ATF7IP: variants seen among roughly 807,000 people sequenced by gnomAD.
The protein encoded by ATF7IP is activating transcription factor 7-interacting protein 1.
In ATF7IP, 23 loss-of-function variants were observed where a neutral mutation model predicts 106.4. The ratio of observed to expected loss-of-function variants is 0.22; its 90% CI spans 0.16 to 0.31. The LOEUF (loss-of-function observed/expected upper bound fraction) is 0.31. ATF7IP is among the 10% of genes least tolerant of loss of function. The pLI is 1.00. For synonymous variants in ATF7IP, 542 were observed against 539.0 expected, an observed-to-expected ratio of 1.01 and a Z score of -0.08; for missense variants, 1,334 against 1,524.3, an observed-to-expected ratio of 0.88 and a Z score of 2.08.
intron 1 of ATF7IP, among the ~76,000 whole-genome samples, chr12:14,371,047 G>A (rs1166375329): frequency 2.0e-5 from 3 of 151,574 alleles, no homozygotes; most frequent in Non-Finnish European, 2.9e-5. Context: ...TGATAAGGAT[G>A]TTTCCCTAAT....
Position 14,457,309 on chromosome 12 carries a change from T to TA in ATF7IP, c.2158+17dup. 1 of 1,544,926 alleles carries TA rather than the reference T, an allele frequency of 6.5e-7. No homozygotes were observed. The highest frequency in any genetic ancestry group is 1.4e-5 in the African/African-American group (1 of 72,432). ...CTGTGAATACAGGTAACTTTTTTTTTAAATACCAAAATACATTTTCTTAGG... is the reference window on the plus strand; with the variant it reads ...CTGTGAATACAGGTAACTTTTTTTTTAAAATACCAAAATACATTTTCTTAGG... On this transcript the variant is annotated intron_variant, in intron 8 of 14. Coordinates refer to ENST00000261168, the MANE Select transcript of ATF7IP (RefSeq NM_018179.5).
At chr12:14,381,192 A>G (rs112778926) in intron 1 of ATF7IP, among the ~76,000 whole-genome samples, 19 of 152,264 alleles carry the variant, frequency 1.2e-4, no homozygotes, top group African/African-American at 4.3e-4. Context: ...AGCTTGGAAT[A>G]TTGTATGTTA....
intron 6 of ATF7IP, among the ~76,000 whole-genome samples, chr12:14,449,283 T>C (rs927171687): frequency 2.0e-5 from 3 of 152,178 alleles, no homozygotes; most frequent in Admixed American, 2.0e-4. Context: ...TTAGGTCTTA[T>C]ATTTAAATCT....
At chr12:14,457,700 T>C (rs1000069095) in intron 8 of ATF7IP, among the ~76,000 whole-genome samples, 1 of 152,220 alleles carries the variant, frequency 6.6e-6, no homozygotes, top group Non-Finnish European at 1.5e-5. Flanking sequence ...ACCCCAGAAC[T>C]TTTGTTTATG....
At chr12:14,410,332 G>GTCC (rs1185254400) in intron 1 of ATF7IP, among the ~76,000 whole-genome samples, 1 of 152,110 alleles carries the variant, frequency 6.6e-6, no homozygotes, top group East Asian at 1.9e-4. Context: ...ATTCTCTTCT[G>GTCC]TCCTACGTAG....
intron 1 of ATF7IP, among the ~76,000 whole-genome samples, chr12:14,406,435 A>T (rs1940584250): frequency 1.3e-5 from 2 of 152,012 alleles, no homozygotes; most frequent in African/African-American, 4.8e-5. Flanking sequence ...TATGTTTGTG[A>T]TATACTCTTT....
chr12:14,412,551 A>G (rs945405566), intron 1 of ATF7IP, among the ~76,000 whole-genome samples: 8 of 152,106 alleles, frequency 5.3e-5, no homozygotes, highest in African/African-American at 2.4e-5. Context: ...TTTTTGGATC[A>G]TTTGTTTCAA....
At chr12:14,381,646 TA>T (rs1360868554) in intron 1 of ATF7IP, among the ~76,000 whole-genome samples, 2 of 152,206 alleles carry the variant, frequency 1.3e-5, no homozygotes, top group Non-Finnish European at 2.9e-5. Flanking sequence ...TTCATCATCT[TA>T]ATACCATTCT....
intron 13 of ATF7IP, among the ~76,000 whole-genome samples, chr12:14,494,394 A>G (rs1944941702): frequency 7.2e-6 from 1 of 139,846 alleles, no homozygotes; most frequent in Non-Finnish European, 1.5e-5. Context: ...CATATAATAT[A>G]TACTATATAT....
chr12:14,436,046 T>C lies in ATF7IP; in HGVS notation c.1646-60T>C. The C allele has an allele frequency of 2.0e-6, 3 of 1,523,274 alleles. 1 individual carries two copies. The highest frequency in any genetic ancestry group is 2.3e-5 in the East Asian group (1 of 43,838). The allele number at this position is 1,523,274 out of a possible 1,614,324, so 94.4% of individuals were successfully genotyped here. On this transcript the variant is annotated intron_variant, in intron 3 of 14. Coordinates refer to ENST00000261168, the MANE Select transcript of ATF7IP (RefSeq NM_018179.5). The stretch of plus-strand genomic sequence containing the variant: ...ATAATATTTTGCTAAGGATGGATAA[T>C]ATGCATTAAGAGCTATAAGAAAAAC...
chr12:14,385,341 T>C, intron 1 of ATF7IP: 1 of 1,525,432 alleles, frequency 6.6e-7, no homozygotes, highest in Non-Finnish European at 8.8e-7. Context: ...CTAGTCTTTG[T>C]AGCTGCTTAG....
chr12:14,494,243 A>AAAATCTG (rs1406897851), intron 13 of ATF7IP, among the ~76,000 whole-genome samples: 1 of 140,372 alleles, frequency 7.1e-6, no homozygotes, highest in African/African-American at 2.6e-5. Context: ...TCCTGGTACC[A>AAAATCTG]AAATCTGAAT....
intron 1 of ATF7IP, among the ~76,000 whole-genome samples, chr12:14,366,882 G>GT (rs774478412): frequency 7.2e-5 from 11 of 152,128 alleles, no homozygotes; most frequent in Admixed American, 1.3e-4. Context: ...ATGCATGTGT[G>GT]TAAGATACAG....
At position 14,418,022 on chromosome 12, in the gene ATF7IP, T is replaced by G. The variant is rs114168258; in HGVS notation, c.-7-5887T>G. ...TTGTTTCATTGCTATGATCTCTTGC[T>G]AGAAAGAAGTGGGTGGAGGGGGATG... On this transcript the variant is annotated intron_variant, in intron 1 of 14. Transcript: ENST00000261168. Among the ~76,000 whole-genome samples the G allele has an allele frequency of 7.5e-3, 1,142 of 152,194 alleles. 14 individuals are homozygous for G. The highest frequency in any genetic ancestry group is 0.026 in the African/African-American group (1,076 of 41,490).
chr12:14,366,519 C>T (rs1938301229), intron 1 of ATF7IP, among the ~76,000 whole-genome samples: 1 of 152,120 alleles, frequency 6.6e-6, no homozygotes, highest in East Asian at 1.9e-4. Flanking sequence ...ACAGTATAAT[C>T]GAAAATGAAA....
intron 11 of ATF7IP, among the ~76,000 whole-genome samples, chr12:14,477,091 A>G (rs951296469): frequency 5.9e-5 from 9 of 152,236 alleles, no homozygotes; most frequent in Non-Finnish European, 1.3e-4. Flanking sequence ...CTACATATCT[A>G]TAAAACTGGT....
chr12:14,475,771 A>T (rs7298275), intron 10 of ATF7IP, 119 bp from the exon 11 acceptor site: 1 of 659,350 alleles, frequency 1.5e-6, no homozygotes, highest in Non-Finnish European at 2.6e-6. Flanking sequence ...CAGCCATTTA[A>T]GGGTCCAGAT....
chr12:14,473,445 AT>A (rs1200849334), intron 10 of ATF7IP, among the ~76,000 whole-genome samples: 1 of 151,960 alleles, frequency 6.6e-6, no homozygotes, highest in Non-Finnish European at 1.5e-5. Context: ...TATGACGTTC[AT>A]GTTTTCACAT....
intron 1 of ATF7IP, among the ~76,000 whole-genome samples, chr12:14,389,200 C>T (rs1939410639): frequency 6.6e-6 from 1 of 152,152 alleles, no homozygotes; most frequent in African/African-American, 2.4e-5. Flanking sequence ...TCTTATATAA[C>T]TCATGCTCAG....
Sources: gnomAD v4.1 joint callset for allele counts (sites outside exome capture counted in the v4.1 genomes callset) on GRCh38, gnomAD v4.1.1 for gene constraint, MANE v1.5 for transcripts, NCBI Gene and HGNC (gene_info 2026-07-23, HGNC 2026-07-21) for gene names.